BCOR: variants seen among roughly 807,000 people sequenced by gnomAD.
BCOR encodes BCL-6 corepressor.
A neutral mutation model predicts 86.7 loss-of-function variants in BCOR; 10 were observed. The observed-to-expected ratio is 0.12, with a 90% CI of 0.07 to 0.20. The LOEUF (loss-of-function observed/expected upper bound fraction) is 0.20. BCOR is among the 10% of genes least tolerant of loss of function. The pLI is 1.00. For synonymous variants in BCOR, 611 were observed against 609.0 expected (o/e 1.00, Z -0.05); for missense variants, 1,259 against 1,452.1 (o/e 0.87, Z 2.16).
chrX:40,137,548 AAAAATAAAATAAAATAAAAT>A (rs11272476), intron 1 of BCOR, among the ~76,000 whole-genome samples: 1 of 93,745 alleles, frequency 1.1e-5, no homozygotes, highest in Admixed American at 1.2e-4. Context: ...ACTCCATCTC[AAAAATAAAATAAAATAAAAT>A]AAAATAAAAT....
At chrX:40,129,491 AAAG>A (rs1331083152) in intron 1 of BCOR, among the ~76,000 whole-genome samples, 19 of 110,367 alleles carry the variant, frequency 1.7e-4, no homozygotes, top group Non-Finnish European at 3.2e-4. Flanking sequence ...AAAAAAAAAA[AAAG>A]AAGAAGAGGA....
At chrX:40,176,319 C>A (rs1490670791) in intron 1 of BCOR, among the ~76,000 whole-genome samples, 2 of 112,549 alleles carry the variant, frequency 1.8e-5, no homozygotes, top group East Asian at 5.7e-4. Context: ...CCGGCTTGCA[C>A]CCCCGCGAGC....
chrX:40,117,309 T>G (rs192599082), intron 1 of BCOR, among the ~76,000 whole-genome samples: 1 of 111,479 alleles, frequency 9.0e-6, no homozygotes, highest in East Asian at 2.8e-4. Flanking sequence ...GTGATGTTAC[T>G]GTTTAGAGTT....
In BCOR at chrX:40,064,614, A is replaced by G; in HGVS notation, c.3239-15T>C. On this transcript the variant is annotated splice_polypyrimidine_tract_variant and intron_variant, in intron 6 of 14. Transcript: ENST00000378444. ...ACTATACTCGCCTGGGGGAGGGGAG[A>G]CAAGAGGGCATTAATGAAGCCCGAA... The G allele has an allele frequency of 8.3e-7, 1 of 1,211,265 alleles. No individual in the cohort carries two copies. The highest frequency in any genetic ancestry group is 1.1e-6 in the Non-Finnish European group (1 of 895,025).
intron 1 of BCOR, among the ~76,000 whole-genome samples, chrX:40,161,506 C>CTTTTTTTTTTT (rs749528691): frequency 3.6e-5 from 2 of 55,986 alleles, no homozygotes; most frequent in Non-Finnish European, 6.3e-5. Flanking sequence ...CGATTCTCCC[C>CTTTTTTTTTTT]TTTTTTTTTT....
intron 1 of BCOR, among the ~76,000 whole-genome samples, chrX:40,114,964 T>TGGCTCA (rs751679489): frequency 2.8e-5 from 3 of 105,924 alleles, no homozygotes; most frequent in Non-Finnish European, 5.8e-5. Flanking sequence ...GCCATTCTCC[T>TGGCTCA]GCCTCAGCCT....
chrX:40,064,040 G>A, intron 7 of BCOR, 88 bp from the exon 8 acceptor site: 1 of 640,103 alleles, frequency 1.6e-6, no homozygotes, highest in Non-Finnish European at 2.4e-6. Context: ...TGGGGGAGGG[G>A]GGGTGTGGTC....
At chrX:40,101,452 G>T (rs760452200), upstream of BCOR, among the ~76,000 whole-genome samples, 3 of 113,335 alleles carry the variant, frequency 2.6e-5, no homozygotes, top group East Asian at 8.4e-4. Context: ...GAGAGGTGCT[G>T]CGGATGGAGC....
intron 1 of BCOR, among the ~76,000 whole-genome samples, chrX:40,131,855 C>T (rs1256608747): frequency 9.0e-6 from 1 of 111,450 alleles, no homozygotes; most frequent in Non-Finnish European, 1.9e-5. Flanking sequence ...CTCATAACAA[C>T]CCCATGAGAT....
intron 1 of BCOR, among the ~76,000 whole-genome samples, chrX:40,141,436 G>A (rs1447730362): frequency 2.7e-5 from 3 of 112,866 alleles, no homozygotes; most frequent in Non-Finnish European, 5.6e-5. Context: ...CAGATGGCTT[G>A]AGGAAGGGCA....
rs1250786695 is a variant in BCOR, at chrX:40,097,262, T to TA, written c.-89_-88insT. On this transcript the variant is annotated 5_prime_UTR_variant, in exon 1 of 15. Coordinates refer to ENST00000378444, the MANE Select transcript of BCOR (RefSeq NM_001123385.2). The stretch of plus-strand genomic sequence containing the variant: ...AGGCAGGGAGCCTGCGATCCGGCTC[T>TA]TTGAAGTTTTCCCCCAAGCGGACTC... 1.9e-5 allele frequency: 2 copies of TA among 104,773 alleles called. No homozygotes were observed. The allele number at this position is 104,773 out of a possible 1,213,427, so 8.6% of individuals were successfully genotyped here. A position where few individuals can be genotyped will look rare whatever the true frequency, so the allele number is the denominator to read the frequency against.
chrX:40,144,218 T>A (rs1161793437), intron 1 of BCOR, among the ~76,000 whole-genome samples: 1 of 112,156 alleles, frequency 8.9e-6, no homozygotes, highest in African/African-American at 3.2e-5. Context: ...TTCAATAAAC[T>A]GTTCCCCTCC....
chrX:40,158,323 A>C (rs1938341100), intron 1 of BCOR, among the ~76,000 whole-genome samples: 1 of 111,726 alleles, frequency 9.0e-6, no homozygotes, highest in South Asian at 3.6e-4. Flanking sequence ...GCGGCTGCGC[A>C]CCGGCCGCCA....
At chrX:40,070,868 G>T in intron 6 of BCOR, 105 bp downstream of exon 6, 1 of 795,490 alleles carries the variant, frequency 1.3e-6, no homozygotes, top group Non-Finnish European at 1.9e-6. Flanking sequence ...CATTCATAAG[G>T]ACAATCGGCC....
intron 1 of BCOR, among the ~76,000 whole-genome samples, chrX:40,090,154 G>GAC (rs1936536078): frequency 1.8e-5 from 2 of 112,915 alleles, no homozygotes; most frequent in South Asian, 7.2e-4. Context: ...AGGGGTACCG[G>GAC]ACACTCGGGC....
rs866937577 is a variant in BCOR, at chrX:40,058,057, G to A, written c.4429-736C>T. On this transcript the variant is annotated intron_variant, in intron 10 of 14. Coordinates refer to ENST00000378444, the MANE Select transcript of BCOR (RefSeq NM_001123385.2). ...TCAATATATTTTCATATTTACTTAA[G>A]TTAATGACAGGAATCTAATACACCA... is the stretch of plus-strand genomic sequence containing the variant. 3.8e-5 allele frequency among the ~76,000 whole-genome samples: 4 copies of A among 104,646 alleles called. No homozygotes were observed. The East Asian group carries it at 8.3e-4, about 22-fold the overall frequency. The allele number at this position is 104,646 out of a possible 115,157, so 90.9% of individuals were successfully genotyped here.
In BCOR at chrX:40,073,958, G is replaced by T. The variant is rs1935630953; in HGVS notation, c.1388C>A (p.Pro463His). Residue 463 changes from proline (P) to histidine (H), a missense_variant, in exon 4 of 15, where the codon CCC becomes CAC. By Grantham distance (77) the Pro-to-His change is moderately conservative (BLOSUM62 -2). Around this residue, in one of 7 missense-constraint regions of BCOR, gnomAD observed 534 missense variants for 594.8 expected, o/e 0.90. Coordinates refer to ENST00000378444, the MANE Select transcript of BCOR (RefSeq NM_001123385.2). Reference protein sequence around the residue: ...SKADHMKKMAPTVLVHSRAGS... With the variant: ...SKADHMKKMAHTVLVHSRAGS... ...AGCCCTGCTGTGAACCAGGACCGTG[G>T]GAGCCATCTTTTTCATGTGGTCAGC... is the stretch of plus-strand genomic sequence containing the variant. The T allele has an allele frequency of 8.2e-7, 1 of 1,212,252 alleles. No individual in the cohort carries two copies. The highest frequency in any genetic ancestry group is 1.7e-5 in the African/African-American group (1 of 57,921).
chrX:40,095,032 A>C (rs1026965609), intron 1 of BCOR, among the ~76,000 whole-genome samples: 21 of 112,220 alleles, frequency 1.9e-4, no homozygotes, highest in Non-Finnish European at 3.6e-4. Flanking sequence ...CCTGCTGCCC[A>C]AAACCCGCGC....
rs1302902354 is a variant in BCOR, at chrX:40,072,843, C to T, written c.2503G>A (p.Ala835Thr). Residue 835 changes from alanine (A) to threonine (T), a missense_variant, in exon 4 of 15, where the codon GCT becomes ACT. By Grantham distance (58) the Ala-to-Thr change is moderately conservative. Around this residue, in one of 7 missense-constraint regions of BCOR, gnomAD observed 534 missense variants for 594.8 expected, o/e 0.90. Coordinates refer to ENST00000378444, the MANE Select transcript of BCOR (RefSeq NM_001123385.2). ...SFAAESVGQSAEPPKPSVEPA... is the reference protein window; with the variant it reads ...SFAAESVGQSTEPPKPSVEPA... ...TCAACTGAGGGCTTGGGGGGCTCAG[C>T]GCTCTGGCCAACACTCTCTGCTGCA... is the stretch of plus-strand genomic sequence containing the variant. 5 of 1,209,751 alleles carry T rather than the reference C, an allele frequency of 4.1e-6. No homozygotes were observed. The African/African-American group carries it at 5.3e-5, about 13-fold the overall frequency.
Sources: allele counts gnomAD v4.1 joint callset (sites outside exome capture counted in the v4.1 genomes callset), GRCh38; gene constraint gnomAD v4.1.1; regional missense constraint gnomAD v4.1.1; transcripts MANE v1.5; gene names NCBI Gene and HGNC (gene_info 2026-07-23, HGNC 2026-07-21).